The following UBE2O variants were observed in gnomAD, a reference collection of about 807,000 sequenced individuals.
UBE2O encodes (E3-independent) E2 ubiquitin-conjugating enzyme.
A neutral mutation model predicts 125.8 loss-of-function variants in UBE2O; 15 were observed. The ratio of observed to expected loss-of-function variants is 0.12; its 90% CI spans 0.08 to 0.18. The LOEUF is 0.18. Among genes scored for constraint, UBE2O ranks in the 10% least tolerant of loss-of-function variants. UBE2O has a pLI of 1.00. For missense variants in UBE2O, 1,280 were observed against 1,723.6 expected, an observed-to-expected ratio of 0.74 and a Z score of 4.56; for synonymous variants, 708 against 703.2, an observed-to-expected ratio of 1.01 and a Z score of -0.11.
intron 1 of UBE2O, among the ~76,000 whole-genome samples, chr17:76,434,969 T>A (rs950044373): frequency 6.6e-6 from 1 of 151,746 alleles, no homozygotes; most frequent in Non-Finnish European, 1.5e-5. Flanking sequence ...TCCTACACTA[T>A]CCCCAAAATG....
At position 76,452,023 on chromosome 17, in the gene UBE2O, T is replaced by C. The variant is rs1278364815; in HGVS notation, c.417+702A>G. On this transcript the variant is annotated intron_variant, in intron 1 of 17. Coordinates refer to ENST00000319380, the MANE Select transcript of UBE2O (RefSeq NM_022066.4). The surrounding 1 kb of genome is among the most constrained non-coding windows in gnomAD (Gnocchi z 4.4). ...TTGGTGACTCCCCTCTACCCAGGGT[T>C]CTGGATTATTTTTTTCAAGGAGTCC... Among the ~76,000 whole-genome samples, 1 of 151,962 alleles carries C rather than the reference T, an allele frequency of 6.6e-6. No homozygotes were observed. The highest frequency in any genetic ancestry group is 1.5e-5 in the Non-Finnish European group (1 of 68,006).
intron 1 of UBE2O, among the ~76,000 whole-genome samples, chr17:76,412,364 C>T (rs140920831): frequency 1.1e-4 from 16 of 152,294 alleles, no homozygotes; most frequent in Admixed American, 5.9e-4. Flanking sequence ...AGAGTAAAAA[C>T]AATCTGAGAA....
chr17:76,395,603 TG>T lies in UBE2O; in HGVS notation c.2946+121del. 2 of 1,218,772 alleles carry T rather than the reference TG, an allele frequency of 1.6e-6. No homozygotes were observed. The highest frequency in any genetic ancestry group is 2.3e-6 in the Non-Finnish European group (2 of 876,214). 75.5% of individuals were successfully genotyped at this position (1,218,772 alleles called of 1,614,324 possible). On this transcript the variant is annotated intron_variant, in intron 15 of 17. Coordinates refer to ENST00000319380, the MANE Select transcript of UBE2O (RefSeq NM_022066.4). This position sits in a 1 kb window ranked among gnomAD's most constrained non-coding sequence, Gnocchi z 5.0. ...TGTGACCGCCCCTGTAAAAGGTGGG[TG>T]GGTGAGTGTCCTCGCAGGTGCCAGT...
chr17:76,397,448 T>A (rs543626285), intron 13 of UBE2O, among the ~76,000 whole-genome samples: 1 of 152,338 alleles, frequency 6.6e-6, no homozygotes, highest in East Asian at 1.9e-4. Context: ...TCTCTCCTTC[T>A]CTGTTAGAGC....
intron 1 of UBE2O, among the ~76,000 whole-genome samples, chr17:76,436,007 G>A (rs1369288212): frequency 6.6e-6 from 1 of 152,234 alleles, no homozygotes; most frequent in Non-Finnish European, 1.5e-5. Flanking sequence ...AGCACTTTGG[G>A]AGGCTGAGAC....
At chr17:76,406,962 T>C (rs1233514921) in intron 1 of UBE2O, among the ~76,000 whole-genome samples, 1 of 152,116 alleles carries the variant, frequency 6.6e-6, no homozygotes, top group East Asian at 1.9e-4. Flanking sequence ...CCTCCCAAAG[T>C]GCTGGGATTA....
At chr17:76,444,378 C>T (rs763716043) in intron 1 of UBE2O, among the ~76,000 whole-genome samples, 1 of 152,048 alleles carries the variant, frequency 6.6e-6, no homozygotes, top group Admixed American at 6.6e-5. Flanking sequence ...ATGGTGAGAC[C>T]CTGTTTCTAC....
rs769232944 is a variant in UBE2O, at chr17:76,402,674, G to A, written c.614C>T (p.Ala205Val). Residue 205 changes from alanine (A) to valine (V), a missense_variant, in exon 4 of 18, where the codon GCC (alanine) becomes GTC (valine). Physicochemically the swap from Ala to Val is moderately conservative, Grantham distance 64. This residue lies in a region of UBE2O where 206 missense variants were observed against 315.7 expected (regional missense o/e 0.65). Coordinates refer to ENST00000319380, the MANE Select transcript of UBE2O (RefSeq NM_022066.4). The surrounding 1 kb of genome is among the most constrained non-coding windows in gnomAD (Gnocchi z 5.4). ...IWPFMYGDYI[A>V]YDCWLGKVYD... Reference sequence around the variant, plus strand: ...GACCTTCCCCAGCCAGCAGTCATAGGCAATGTAGTCCCCATACATGAAGGG... The same window carrying A: ...GACCTTCCCCAGCCAGCAGTCATAGACAATGTAGTCCCCATACATGAAGGG... 2 of 1,614,168 alleles carry A rather than the reference G, an allele frequency of 1.2e-6. No homozygotes were observed. Among genetic ancestry groups the A allele is most frequent in the Admixed American group, 1.7e-5 (1 of 60,026 alleles).
chr17:76,452,838 A>G lies in UBE2O; in HGVS notation c.304T>C (p.Ser102Pro). 3 of 1,502,658 alleles carry G rather than the reference A, an allele frequency of 2.0e-6. No individual in the cohort carries two copies. The highest frequency in any genetic ancestry group is 2.7e-6 in the Non-Finnish European group (3 of 1,126,362). The allele number at this position is 1,502,658 out of a possible 1,614,324, so 93.1% of individuals were successfully genotyped here. A position where few individuals can be genotyped will look rare whatever the true frequency, so the allele number is the denominator to read the frequency against. The change falls in exon 1 of 18, where the codon TCC becomes CCC. Residue 102 changes from serine (S) to proline (P), a missense_variant. By Grantham distance (74) the Ser-to-Pro change is moderately conservative (BLOSUM62 -1). This residue lies in a region of UBE2O where 188 missense variants were observed against 192.5 expected (regional missense o/e 0.98). Transcript: ENST00000319380. This position sits in a 1 kb window ranked among gnomAD's most constrained non-coding sequence, Gnocchi z 4.4. The stretch of plus-strand genomic sequence containing the variant: ...TCGTGGCCCGCGCCCCCGGCCTCGG[A>G]GCACCCCGAGCTCCCGCGGCCCTCC... Reference protein sequence around the residue: ...EEEGRGSSGCSEAGGAGHEEG... With the variant: ...EEEGRGSSGCPEAGGAGHEEG...
Position 76,452,792 on chromosome 17 carries a change from AG to A in UBE2O, c.349del (p.Leu117CysfsTer19). 2 of 1,522,448 alleles carry A rather than the reference AG, an allele frequency of 1.3e-6. No individual in the cohort carries two copies. The allele number at this position is 1,522,448 out of a possible 1,614,324, so 94.3% of individuals were successfully genotyped here. ...CTGGACGCGCACGTAGCCGCGGCGCAGGGGGCTGGCCCGGCCCTCCTCGTGG... is the reference window on the plus strand; with the variant it reads ...CTGGACGCGCACGTAGCCGCGGCGCAGGGGCTGGCCCGGCCCTCCTCGTGG... Reference protein sequence around the residue: ...AGHEEGRASPLRRGYVRVQWY... With the variant: ...AGHEEGRASPXRRGYVRVQWY... On this transcript the variant is annotated frameshift_variant, in exon 1 of 18. Coordinates refer to ENST00000319380, the MANE Select transcript of UBE2O (RefSeq NM_022066.4). LOFTEE classifies it high-confidence loss of function. This position sits in a 1 kb window ranked among gnomAD's most constrained non-coding sequence, Gnocchi z 4.4.
Position 76,405,495 on chromosome 17 carries a change from TG to T in UBE2O, c.477+17del. 6.3e-7 allele frequency: 1 copy of T among 1,588,244 alleles called. No individual in the cohort carries two copies. ...GCTGCCCCCAGGCCCGGGGCTGGGG[TG>T]GGGACGCAGGACTCACGGTGGATCG... On this transcript the variant is annotated intron_variant, in intron 2 of 17. Transcript: ENST00000319380. The surrounding 1 kb of genome is among the most constrained non-coding windows in gnomAD (Gnocchi z 6.1).
chr17:76,429,042 CG>C (rs1170890077), intron 1 of UBE2O, among the ~76,000 whole-genome samples: 5 of 151,680 alleles, frequency 3.3e-5, no homozygotes, highest in African/African-American at 1.2e-4. Context: ...GCTGGGATTA[CG>C]GGCGCATGCC....
intron 1 of UBE2O, among the ~76,000 whole-genome samples, chr17:76,434,347 G>C (rs1476512653): frequency 6.6e-6 from 1 of 152,190 alleles, no homozygotes; most frequent in Non-Finnish European, 1.5e-5. Flanking sequence ...AAAGGAAAGT[G>C]AGAGGGGCAA....
chr17:76,423,896 C>CTT (rs746126675), intron 1 of UBE2O, among the ~76,000 whole-genome samples: 39,899 of 83,266 alleles, frequency 0.48, 10,847 homozygotes, highest in South Asian at 0.57. Context: ...AGGTTGGGTT[C>CTT]TTTTTTTTTT....
intron 1 of UBE2O, chr17:76,430,665 T>C (rs977549164): frequency 3.4e-5 from 11 of 323,534 alleles, no homozygotes; most frequent in African/African-American, 2.2e-4. Context: ...GCCATGCTTG[T>C]AGATGAGTTT....
rs1035352139 is a variant in UBE2O, at chr17:76,452,635, C to T, written c.417+90G>A. Reference sequence around the variant, plus strand: ...GTCGGCCACTGCAGTGGCACCGCTCCGGGCAGGGCCCTGCACGCCGTCCTT... The same window carrying T: ...GTCGGCCACTGCAGTGGCACCGCTCTGGGCAGGGCCCTGCACGCCGTCCTT... On this transcript the variant is annotated intron_variant, in intron 1 of 17. Coordinates refer to ENST00000319380, the MANE Select transcript of UBE2O (RefSeq NM_022066.4). This position sits in a 1 kb window ranked among gnomAD's most constrained non-coding sequence, Gnocchi z 4.4. 36 of 1,218,412 alleles carry T rather than the reference C, an allele frequency of 3.0e-5. No individual in the cohort carries two copies. The highest frequency in any genetic ancestry group is 3.8e-5 in the Non-Finnish European group (36 of 957,428). The allele number at this position is 1,218,412 out of a possible 1,614,324, so 75.5% of individuals were successfully genotyped here.
At position 76,389,767 on chromosome 17, in the gene UBE2O, A is replaced by C. The variant is rs1462452698; in HGVS notation, c.*1176T>G. 1 of 152,066 alleles carries C rather than the reference A, an allele frequency of 6.6e-6. No homozygotes were observed. Among genetic ancestry groups the C allele is most frequent in the Non-Finnish European group, 1.5e-5 (1 of 67,994 alleles). 9.4% of individuals were successfully genotyped at this position (152,066 alleles called of 1,614,324 possible). On this transcript the variant is annotated 3_prime_UTR_variant, in exon 18 of 18. Transcript: ENST00000319380. ...CACAGCACAGGTGTGGAGCCCACTT[A>C]AGGCTGACAAGACGCATCATGCTTT...
chr17:76,451,778 G>A (rs2073248090), intron 1 of UBE2O, among the ~76,000 whole-genome samples: 1 of 105,388 alleles, frequency 9.5e-6, no homozygotes, highest in Admixed American at 1.0e-4. Context: ...AGATACAGGG[G>A]GGTGTGTGTG....
chr17:76,397,129 AG>A lies in UBE2O; in HGVS notation c.2116-309del, dbSNP rs763985993. On this transcript the variant is annotated intron_variant, in intron 13 of 17. Coordinates refer to ENST00000319380, the MANE Select transcript of UBE2O (RefSeq NM_022066.4). ...GTCCAAGGCGTTAGGGGACCTTGGC[AG>A]GCCCAGTCCCACACCTGAAAAGCGC... Among the ~76,000 whole-genome samples, 352 of 152,332 alleles carry A rather than the reference AG, an allele frequency of 2.3e-3. 1 individual carries two copies. The highest frequency in any genetic ancestry group is 3.9e-3 in the Non-Finnish European group (263 of 68,020).
Sources: allele counts gnomAD v4.1 joint callset (sites outside exome capture counted in the v4.1 genomes callset), GRCh38; gene constraint gnomAD v4.1.1; regional missense constraint gnomAD v4.1.1; non-coding constraint Gnocchi (gnomAD v3.1); transcripts MANE v1.5; gene names NCBI Gene and HGNC (gene_info 2026-07-23, HGNC 2026-07-21).